Variants in ZNF510 observed in about 807,000 individuals in gnomAD.
ZNF510 encodes the protein zinc finger protein 510.
In ZNF510, 15 loss-of-function variants were observed where a neutral mutation model predicts 18.1. The ratio of observed to expected loss-of-function variants is 0.83; its 90% CI spans 0.55 to 1.28. ZNF510 has a LOEUF of 1.28. ZNF510 is among the 50% of genes most tolerant of loss of function. The pLI is 0.00. For missense variants in ZNF510, 724 were observed against 791.8 expected (o/e 0.91, Z 1.03); for synonymous variants, 261 against 266.4 (o/e 0.98, Z 0.20).
In ZNF510 at chr9:96,774,834, C is replaced by T. The variant is rs748648435; in HGVS notation, c.83G>A (p.Arg28Gln). The T allele has an allele frequency of 2.7e-5, 44 of 1,613,440 alleles. No individual in the cohort carries two copies. Among genetic ancestry groups the T allele is most frequent in the African/African-American group, 6.7e-5 (5 of 74,704 alleles). The change falls in exon 3 of 6, where the codon CGG becomes CAG. Residue 28 changes from arginine to glutamine, a missense_variant. Transcript: ENST00000223428. ...GQLAEGGYPL[R>Q]FSTLFQEQQK... ...CTGCTCCTGAAAGAGTGTGGAGAAC[C>T]GTAAAGGATAACCTGGGGGTGAGGA...
rs1166268677 is a variant in ZNF510 at position 96,759,758 on chromosome 9, C to T, written c.1072G>A (p.Val358Ile). Reference protein sequence around the residue: ...KAHLTDPQTAVIEENPLVSND... With the variant: ...KAHLTDPQTAIIEENPLVSND... ...CTTACCAATGGGTTCTCTTCTATGA[C>T]AGCTGTTTGAGGATCAGTGAGGTGT... Residue 358 changes from valine (V) to isoleucine (I), a missense_variant, in exon 6 of 6, where the codon GTC (valine) becomes ATC (isoleucine). Coordinates refer to ENST00000223428, the MANE Select transcript of ZNF510 (RefSeq NM_014930.3). 2 of 1,613,960 alleles carry T rather than the reference C, an allele frequency of 1.2e-6. No homozygotes were observed. The highest frequency in any genetic ancestry group is 1.3e-5 in the African/African-American group (1 of 74,928).
Position 96,759,868 on chromosome 9 carries a change from G to T in ZNF510, c.962C>A (p.Ser321Ter), listed in dbSNP as rs778286129. 3.1e-6 allele frequency: 5 copies of T among 1,613,148 alleles called. No individual in the cohort carries two copies. The East Asian group carries it at 1.1e-4, about 36-fold the overall frequency. ...LNQCGKSFEK[S>*]TVEEYNKLNM... The stretch of plus-strand genomic sequence containing the variant: ...AAGTTTATTATATTCCTCCACAGTT[G>T]ACTTCTCAAAGGATTTCCCACATTG... Residue 321 changes from serine (S) to a stop codon, truncating the protein, a stop_gained, in exon 6 of 6, where the codon TCA becomes TAA. Transcript: ENST00000223428. LOFTEE classifies it low-confidence loss of function (END_TRUNC).
intron 3 of ZNF510, among the ~76,000 whole-genome samples, chr9:96,769,086 C>G (rs1849534471): frequency 6.6e-6 from 1 of 152,052 alleles, no homozygotes; most frequent in Admixed American, 6.6e-5. Context: ...GCTGGGATAA[C>G]TGAATCTCAT....
intron 1 of ZNF510, among the ~76,000 whole-genome samples, chr9:96,776,996 G>A (rs995157060): frequency 6.6e-6 from 1 of 152,182 alleles, no homozygotes; most frequent in Non-Finnish European, 1.5e-5. Flanking sequence ...TGGATACACT[G>A]AGAAAACCAC....
chr9:96,760,037 C>G lies in ZNF510; in HGVS notation c.793G>C (p.Asp265His). ...ECNKIGKAFN[D>H]KANCVKHNSS... ...TTATGTTTAACACAGTTAGCCTTAT[C>G]ATTAAAGGCTTTTCCAATTTTATTA... The change falls in exon 6 of 6, where the codon GAT becomes CAT. Residue 265 changes from aspartate (D) to histidine (H), a missense_variant. Physicochemically the swap from Asp to His is moderately conservative, Grantham distance 81. Coordinates refer to ENST00000223428, the MANE Select transcript of ZNF510 (RefSeq NM_014930.3). 6.2e-7 allele frequency: 1 copy of G among 1,611,726 alleles called. No homozygotes were observed. Among genetic ancestry groups the G allele is most frequent in the Non-Finnish European group, 8.5e-7 (1 of 1,179,026 alleles).
rs1453695406 is a variant in ZNF510 at position 96,760,095 on chromosome 9, T to C, written c.735A>G (p.Pro245=). 6.2e-7 allele frequency: 1 copy of C among 1,609,422 alleles called. No individual in the cohort carries two copies. The highest frequency in any genetic ancestry group is 1.7e-5 in the Admixed American group (1 of 59,162). ...AAGCTTGCTCCAAAGTTTGAAACTTTGGATGCTTGGGAAGATTTTCATTAT... is the reference window on the plus strand; with the variant it reads ...AAGCTTGCTCCAAAGTTTGAAACTTCGGATGCTTGGGAAGATTTTCATTAT... ...LNYNENLPKH[P]KFQTLEQAFE... The change falls in exon 6 of 6, where the codon CCA becomes CCG. Residue 245 remains proline, a synonymous_variant. Transcript: ENST00000223428.
At chr9:96,764,173 C>CTTTTCTT (rs1554796093) in intron 3 of ZNF510, among the ~76,000 whole-genome samples, 4 of 143,188 alleles carry the variant, frequency 2.8e-5, no homozygotes, top group African/African-American at 1.1e-4. Context: ...ATTACTAAAA[C>CTTTTCTT]TTTTTTTTTA....
chr9:96,763,057 A>T, intron 5 of ZNF510, 61 bp downstream of exon 5: 1 of 1,429,198 alleles, frequency 7.0e-7, no homozygotes, highest in East Asian at 2.3e-5. Flanking sequence ...GTTCACCCCT[A>T]AAGTGACCTG....
Position 96,755,273 on chromosome 9 carries a change from C to T in ZNF510, c.*3505G>A, listed in dbSNP as rs1412696494. Among the ~76,000 whole-genome samples, 2 of 151,670 alleles carry T rather than the reference C, an allele frequency of 1.3e-5. No homozygotes were observed. The highest frequency in any genetic ancestry group is 2.4e-5 in the African/African-American group (1 of 40,966). Reference sequence around the variant, plus strand: ...AAAAGGGGCAGGAAGAGAGATGATTCTAAATATTTTCTTTCAGAAAGTGTC... The same window carrying T: ...AAAAGGGGCAGGAAGAGAGATGATTTTAAATATTTTCTTTCAGAAAGTGTC... On this transcript the variant is annotated 3_prime_UTR_variant, in exon 6 of 6. Transcript: ENST00000223428.
Position 96,759,270 on chromosome 9 carries a change from T to C in ZNF510, c.1560A>G (p.Gln520=), listed in dbSNP as rs745627849. The part of the protein sequence containing the change: ...HTGEKSFQCN[Q]CGKTFGQKSN... ...ACTTCTGGCCAAATGTTTTTCCACATTGATTGCATTGAAAGGATTTCTCCC... is the reference window on the plus strand; with the variant it reads ...ACTTCTGGCCAAATGTTTTTCCACACTGATTGCATTGAAAGGATTTCTCCC... Residue 520 remains glutamine, a synonymous_variant, in exon 6 of 6, where the codon CAA becomes CAG. Transcript: ENST00000223428. The C allele has an allele frequency of 2.0e-5, 32 of 1,613,988 alleles. No individual in the cohort carries two copies. Among genetic ancestry groups the C allele is most frequent in the African/African-American group, 1.6e-4 (12 of 74,896 alleles).
rs1849698794 is a variant in ZNF510 at position 96,776,163 on chromosome 9, T to C, written c.-94A>G. ...TCCTTTCTGGGTTCTTCTGCATCTG[T>C]TTGGAAGCCCTGGTGAGGAGGTCTC... On this transcript the variant is annotated 5_prime_UTR_variant, in exon 2 of 6. Coordinates refer to ENST00000223428, the MANE Select transcript of ZNF510 (RefSeq NM_014930.3). 1 of 1,518,116 alleles carries C rather than the reference T, an allele frequency of 6.6e-7. No individual in the cohort carries two copies. Among genetic ancestry groups the C allele is most frequent in the African/African-American group, 1.4e-5 (1 of 72,100 alleles). The allele number at this position is 1,518,116 out of a possible 1,614,324, so 94.0% of individuals were successfully genotyped here. A position where few individuals can be genotyped will look rare whatever the true frequency, so the allele number is the denominator to read the frequency against.
Position 96,759,658 on chromosome 9 carries a change from T to C in ZNF510, c.1172A>G (p.His391Arg). Residue 391 changes from histidine (H) to arginine (R), a missense_variant, in exon 6 of 6, where the codon CAC becomes CGC. Coordinates refer to ENST00000223428, the MANE Select transcript of ZNF510 (RefSeq NM_014930.3). ...ENKKSYQTSV[H>R]RVRRRSHSMM... ...TGAGTGACTTCTTCGGCGAACTCTG[T>C]GAACCGACGTCTGGTAGGATTTCTT... 1 of 1,613,630 alleles carries C rather than the reference T, an allele frequency of 6.2e-7. No individual in the cohort carries two copies. The highest frequency in any genetic ancestry group is 8.5e-7 in the Non-Finnish European group (1 of 1,179,928).
At chr9:96,765,934 G>T (rs2117991269) in intron 3 of ZNF510, among the ~76,000 whole-genome samples, 1 of 152,252 alleles carries the variant, frequency 6.6e-6, no homozygotes, top group African/African-American at 2.4e-5. Context: ...GATTCATTCA[G>T]GCATTAGTTA....
In ZNF510 at chr9:96,760,376, C is replaced by T; in HGVS notation, c.454G>A (p.Glu152Lys). The T allele has an allele frequency of 1.9e-6, 3 of 1,613,788 alleles. No individual in the cohort carries two copies. Among genetic ancestry groups the T allele is most frequent in the Non-Finnish European group, 2.5e-6 (3 of 1,179,870 alleles). Residue 152 changes from glutamate (E) to lysine (K), a missense_variant, in exon 6 of 6, where the codon GAA (glutamate) becomes AAA (lysine). Transcript: ENST00000223428. ...AATGGTTTCCCCAAAACTTTCTCTT[C>T]CTCTGTAGTCAATGTTTTATTATTG... ...CINNKTLTTE[E>K]EKVLGKPFTL...
Position 96,757,380 on chromosome 9 carries a change from T to A in ZNF510, c.*1398A>T, listed in dbSNP as rs1849221292. The A allele has an allele frequency of 6.6e-6, 1 of 152,328 alleles. No homozygotes were observed. The highest frequency in any genetic ancestry group is 1.9e-4 in the East Asian group (1 of 5,182). 9.4% of individuals were successfully genotyped at this position (152,328 alleles called of 1,614,324 possible). A position where few individuals can be genotyped will look rare whatever the true frequency, so the allele number is the denominator to read the frequency against. ...TTTTAGGTTCATGCAAAGCCCTGTA[T>A]CAGGTGGTACTATCAATTTCATTAC... On this transcript the variant is annotated 3_prime_UTR_variant, in exon 6 of 6. Coordinates refer to ENST00000223428, the MANE Select transcript of ZNF510 (RefSeq NM_014930.3).
intron 3 of ZNF510, among the ~76,000 whole-genome samples, chr9:96,773,622 C>G (rs1244980227): frequency 6.6e-6 from 1 of 151,680 alleles, no homozygotes; most frequent in Non-Finnish European, 1.5e-5. Flanking sequence ...GTCGCCCAGG[C>G]TGGAGTGCAG....
rs528294664 is a variant in ZNF510, at chr9:96,762,882, C to T, written c.352+236G>A. On this transcript the variant is annotated intron_variant, in intron 5 of 5. Transcript: ENST00000223428. ...AAGCATATCCTTTCTAAGTTATTTG[C>T]ACTACATACATATTATGCTGGTTGG... 1.7e-4 allele frequency: 59 copies of T among 343,712 alleles called. No individual in the cohort carries two copies. In the South Asian group the frequency reaches 2.3e-3, roughly 14 times the overall value. The allele number at this position is 343,712 out of a possible 1,614,324, so 21.3% of individuals were successfully genotyped here.
rs1040754845 is a variant in ZNF510 at position 96,763,563 on chromosome 9, G to C, written c.199C>G (p.Gln67Glu). ...ATCACATCTCTGTACAGATTCTTCTGAACAGGGGCCATTTGCTGCCACTCC... is the reference window on the plus strand; with the variant it reads ...ATCACATCTCTGTACAGATTCTTCTCAACAGGGGCCATTTGCTGCCACTCC... ...QEEWQQMAPV[Q>E]KNLYRDVMLE... The change falls in exon 4 of 6, where the codon CAG becomes GAG. Residue 67 changes from glutamine (Q) to glutamate (E), a missense_variant. Gln to Glu is a conservative substitution (Grantham distance 29, BLOSUM62 2). Coordinates refer to ENST00000223428, the MANE Select transcript of ZNF510 (RefSeq NM_014930.3). 21 of 1,613,446 alleles carry C rather than the reference G, an allele frequency of 1.3e-5. No individual in the cohort carries two copies. The highest frequency in any genetic ancestry group is 1.7e-5 in the Non-Finnish European group (20 of 1,179,734).
At chr9:96,771,151 A>T (rs1849577201) in intron 3 of ZNF510, among the ~76,000 whole-genome samples, 1 of 152,230 alleles carries the variant, frequency 6.6e-6, no homozygotes, top group Non-Finnish European at 1.5e-5. Flanking sequence ...TATAATGTTG[A>T]CGCCAAAACG....
Sources: allele counts gnomAD v4.1 joint callset (sites outside exome capture counted in the v4.1 genomes callset), GRCh38; gene constraint gnomAD v4.1.1; transcripts MANE v1.5; gene names NCBI Gene and HGNC (gene_info 2026-07-23, HGNC 2026-07-21).